The following MAGI2 variants were observed in gnomAD, a reference collection of about 807,000 sequenced individuals.
MAGI2 encodes the protein membrane-associated guanylate kinase, WW and PDZ domain-containing protein 2.
MAGI2 carries 35 observed loss-of-function variants against 133.3 expected under a neutral mutation model. The observed-to-expected ratio is 0.26, with a 90% CI of 0.20 to 0.35. The LOEUF (loss-of-function observed/expected upper bound fraction) is 0.35, where lower values mean the gene tolerates loss of function less well. Ranked by LOEUF, MAGI2 falls within the 10% of genes least tolerant of loss-of-function variation. The pLI is 1.00. For missense variants in MAGI2, 1,636 were observed against 1,863.4 expected (o/e 0.88, Z 2.25); for synonymous variants, 729 against 710.6 (o/e 1.03, Z -0.41).
rs536615374 is a variant in MAGI2, at chr7:78,226,981, G to A, written c.2048-25788C>T. On this transcript the variant is annotated intron_variant, in intron 10 of 21. Transcript: ENST00000354212. ...GCATGGGTTTTAAAATCAGATTTTA[G>A]TTTGATTATAGATATTTTGTGGGAC... 3.3e-5 allele frequency among the ~76,000 whole-genome samples: 5 copies of A among 152,286 alleles called. No homozygotes were observed. The East Asian group carries it at 9.7e-4, about 29-fold the overall frequency.
intron 13 of MAGI2, chr7:78,184,286 CA>C (rs1348867380): frequency 6.6e-6 from 1 of 152,184 alleles, no homozygotes; most frequent in African/African-American, 2.4e-5. Context: ...AAAGATTTAG[CA>C]GCCAGTATAG....
intron 20 of MAGI2, among the ~76,000 whole-genome samples, chr7:78,079,730 C>T (rs555805027): frequency 6.6e-6 from 1 of 152,322 alleles, no homozygotes; most frequent in Non-Finnish European, 1.5e-5. Context: ...AAATCTTTGC[C>T]ATGCTCACAC....
At chr7:79,262,867 GTATGTTT>G (rs1834182023) in intron 1 of MAGI2, among the ~76,000 whole-genome samples, 1 of 152,182 alleles carries the variant, frequency 6.6e-6, no homozygotes, top group African/African-American at 2.4e-5. Flanking sequence ...TAACATGCTA[GTATGTTT>G]TATAAGGTTT....
intron 4 of MAGI2, among the ~76,000 whole-genome samples, chr7:78,513,264 G>T (rs887827692): frequency 1.3e-5 from 2 of 152,102 alleles, no homozygotes; most frequent in African/African-American, 4.8e-5. Flanking sequence ...ATTCTTTGGG[G>T]CAAAATTGGA....
intron 1 of MAGI2, among the ~76,000 whole-genome samples, chr7:79,056,109 C>G (rs1584805845): frequency 6.6e-6 from 1 of 152,178 alleles, no homozygotes; most frequent in East Asian, 1.9e-4. Context: ...CCCTTGCACA[C>G]TGGTTTCTTA....
intron 2 of MAGI2, among the ~76,000 whole-genome samples, chr7:78,764,534 C>A (rs1486076662): frequency 6.6e-6 from 1 of 152,186 alleles, no homozygotes; most frequent in Non-Finnish European, 1.5e-5. Context: ...TCCCATTGAC[C>A]ATTTAATGAT....
intron 12 of MAGI2, among the ~76,000 whole-genome samples, chr7:78,188,508 C>A (rs1457080129): frequency 6.6e-6 from 1 of 152,164 alleles, no homozygotes; most frequent in Non-Finnish European, 1.5e-5. Flanking sequence ...AACATTGTTA[C>A]ATCTTTTTCT....
intron 5 of MAGI2, among the ~76,000 whole-genome samples, chr7:78,495,521 T>C (rs1465374846): frequency 6.6e-5 from 10 of 152,186 alleles, no homozygotes. Context: ...TTCAAAATAA[T>C]TACTAAAGGC....
rs78593507 is a variant in MAGI2, at chr7:79,081,015, T to C, written c.302-73809A>G. Among the ~76,000 whole-genome samples the C allele has an allele frequency of 5.9e-3, 905 of 152,194 alleles. 12 individuals are homozygous for C. The highest frequency in any genetic ancestry group is 0.02 in the African/African-American group (842 of 41,542). The stretch of plus-strand genomic sequence containing the variant: ...CACACAGTTCCTATATGGTTTCCCA[T>C]TGTTCTTAGGATAGAAATCAAGGTC... On this transcript the variant is annotated intron_variant, in intron 1 of 21. Transcript: ENST00000354212.
intron 10 of MAGI2, 187 bp downstream of exon 10, chr7:78,255,754 GAA>G (rs1279919139): frequency 1.5e-6 from 1 of 661,844 alleles, no homozygotes; most frequent in African/African-American, 1.8e-5. Flanking sequence ...ATACAAAATA[GAA>G]AAAGACATAT....
intron 16 of MAGI2, among the ~76,000 whole-genome samples, chr7:78,143,795 T>C (rs911688359): frequency 1.6e-4 from 24 of 152,270 alleles, no homozygotes; most frequent in African/African-American, 5.5e-4. Flanking sequence ...TTAATCTGAA[T>C]AATTTATTTT....
intron 1 of MAGI2, among the ~76,000 whole-genome samples, chr7:79,204,606 C>A (rs914265644): frequency 3.0e-4 from 45 of 151,956 alleles, no homozygotes; most frequent in Non-Finnish European, 3.8e-4. Context: ...AAAATAAAGT[C>A]CCAGTGACTA....
At chr7:79,034,974 C>T (rs1353154421) in intron 1 of MAGI2, among the ~76,000 whole-genome samples, 1 of 152,094 alleles carries the variant, frequency 6.6e-6, no homozygotes, top group Non-Finnish European at 1.5e-5. Context: ...TGACTGATAT[C>T]CTAAATGTAA....
intron 20 of MAGI2, among the ~76,000 whole-genome samples, chr7:78,111,189 G>A (rs1008145327): frequency 2.6e-5 from 4 of 152,070 alleles, no homozygotes; most frequent in South Asian, 2.1e-4. Flanking sequence ...GAAAAATTAC[G>A]GTTAAGCTTA....
chr7:79,228,354 CA>C (rs746424350), intron 1 of MAGI2, among the ~76,000 whole-genome samples: 6,326 of 31,532 alleles, frequency 0.2, 880 homozygotes, highest in Non-Finnish European at 0.22. Context: ...AAAAAACAGG[CA>C]AAAAAAAAAA....
At chr7:78,519,127 C>CT in intron 4 of MAGI2, 3 of 90,554 alleles carry the variant, frequency 3.3e-5, no homozygotes. Context: ...AGACACTGTG[C>CT]TAAAAAAAAA....
intron 3 of MAGI2, among the ~76,000 whole-genome samples, chr7:78,611,751 GA>G (rs1806470940): frequency 6.6e-6 from 1 of 152,136 alleles, no homozygotes; most frequent in South Asian, 2.1e-4. Context: ...GCAGTAGTAT[GA>G]TTGTATTTAG....
chr7:78,049,297 G>A lies in MAGI2; in HGVS notation c.3707-29321C>T, dbSNP rs147401725. Reference sequence around the variant, plus strand: ...TCTCATTAGTAAAGTGCTTCTCCCAGGAAATGGCTATTGCAAGCTAAAAAC... The same window carrying A: ...TCTCATTAGTAAAGTGCTTCTCCCAAGAAATGGCTATTGCAAGCTAAAAAC... On this transcript the variant is annotated intron_variant, in intron 21 of 21. Coordinates refer to ENST00000354212, the MANE Select transcript of MAGI2 (RefSeq NM_012301.4). 5.0e-3 allele frequency among the ~76,000 whole-genome samples: 763 copies of A among 152,254 alleles called. 3 individuals are homozygous for A. The highest frequency in any genetic ancestry group is 0.017 in the African/African-American group (703 of 41,530).
chr7:78,206,746 A>G (rs1787143116), intron 10 of MAGI2, among the ~76,000 whole-genome samples: 11 of 152,232 alleles, frequency 7.2e-5, no homozygotes, highest in Admixed American at 7.2e-4. Context: ...ATATGATTCT[A>G]CTTTTGAAGA....
Sources: allele counts gnomAD v4.1 joint callset (sites outside exome capture counted in the v4.1 genomes callset), GRCh38; gene constraint gnomAD v4.1.1; transcripts MANE v1.5; gene names NCBI Gene and HGNC (gene_info 2026-07-23, HGNC 2026-07-21).